The following MNT variants were observed in gnomAD, a reference collection of about 807,000 sequenced individuals.
MNT encodes the protein max-binding protein MNT.
Under a neutral mutation model 40.7 loss-of-function variants are expected in MNT, and 13 were observed. The ratio of observed to expected loss-of-function variants is 0.32; its 90% CI spans 0.21 to 0.51. MNT has a LOEUF of 0.51. Among genes scored for constraint, MNT ranks in the 20% least tolerant of loss-of-function variants. The pLI is 0.98. For missense variants in MNT, 757 were observed against 792.0 expected (o/e 0.96, Z 0.53); for synonymous variants, 426 against 354.8 (o/e 1.20, Z -2.26).
chr17:2,391,419 G>C (rs541037010), intron 4 of MNT: 1 of 152,464 alleles, frequency 6.6e-6, no homozygotes, highest in East Asian at 1.9e-4. Context: ...GTAGGATATA[G>C]TTCTGGGCCA....
At chr17:2,394,260 C>T (rs368504265) in intron 3 of MNT, 45 bp downstream of exon 3, 81 of 1,574,980 alleles carry the variant, frequency 5.1e-5, no homozygotes, top group Non-Finnish European at 6.5e-5. Flanking sequence ...GCCCGGGTCG[C>T]GCGCGCACGC....
In MNT at chr17:2,400,917, G is replaced by T; in HGVS notation, c.-205C>A. 2 of 343,056 alleles carry T rather than the reference G, an allele frequency of 5.8e-6. No individual in the cohort carries two copies. The highest frequency in any genetic ancestry group is 1.0e-5 in the Non-Finnish European group (2 of 192,348). The allele number at this position is 343,056 out of a possible 1,614,324, so 21.3% of individuals were successfully genotyped here. A position where few individuals can be genotyped will look rare whatever the true frequency, so the allele number is the denominator to read the frequency against. ...CAAAATATTTGCAAAATATAAAATT[G>T]CAAATTTAAAAAAATGGGATGCAAA... On this transcript the variant is annotated 5_prime_UTR_variant, in exon 1 of 6. Coordinates refer to ENST00000174618, the MANE Select transcript of MNT (RefSeq NM_020310.3).
chr17:2,392,312 T>G (rs987835316), intron 4 of MNT, among the ~76,000 whole-genome samples: 1 of 152,144 alleles, frequency 6.6e-6, no homozygotes, highest in Non-Finnish European at 1.5e-5. Flanking sequence ...CCAGAATGGG[T>G]GTCCCTTCTG....
Position 2,395,270 on chromosome 17 carries a change from C to T in MNT, c.258G>A (p.Leu86=). 3 of 1,528,286 alleles carry T rather than the reference C, an allele frequency of 2.0e-6. No homozygotes were observed. Among genetic ancestry groups the T allele is most frequent in the Middle Eastern group, 1.7e-4 (1 of 5,802 alleles). The allele number at this position is 1,528,286 out of a possible 1,614,324, so 94.7% of individuals were successfully genotyped here. A position where few individuals can be genotyped will look rare whatever the true frequency, so the allele number is the denominator to read the frequency against. The part of the protein sequence containing the change: ...PPPPLATPAP[L]TVIPIPVVTN... The stretch of plus-strand genomic sequence containing the variant: ...TCACCACAGGGATAGGGATGACAGT[C>T]AGTGGGGCAGGGGTGGCAAGTGGTG... The change falls in exon 2 of 6, where the codon CTG becomes CTA. Residue 86 remains leucine (L), a synonymous_variant. Coordinates refer to ENST00000174618, the MANE Select transcript of MNT (RefSeq NM_020310.3).
rs1369035771 is a variant in MNT, at chr17:2,395,312, G to C, written c.216C>G (p.Pro72=). The change falls in exon 2 of 6, where the codon CCC becomes CCG. Residue 72 remains proline, a synonymous_variant. Transcript: ENST00000174618. ...APPLPLSPPA[P]PPAPPPPLAT... ...CAAGTGGTGGTGGGGGTGCCGGCGG[G>C]GGAGCCGGTGGAGACAGAGGCAGGG... 6.2e-7 allele frequency: 1 copy of C among 1,601,836 alleles called. No individual in the cohort carries two copies. The highest frequency in any genetic ancestry group is 1.3e-5 in the African/African-American group (1 of 74,718).
At chr17:2,398,466 G>A (rs1321604178) in intron 1 of MNT, among the ~76,000 whole-genome samples, 14 of 152,230 alleles carry the variant, frequency 9.2e-5, no homozygotes, top group Admixed American at 9.2e-4. Flanking sequence ...AGGTTCACCT[G>A]CCATGCCCTT....
chr17:2,400,802 G>T lies in MNT; in HGVS notation c.-90C>A. On this transcript the variant is annotated 5_prime_UTR_variant, in exon 1 of 6. Transcript: ENST00000174618. ...AGGCTGGCGGGCAGGCAGGAGGGAG[G>T]GATCACCTCCGGGGGGCGACAGGGC... 1.8e-6 allele frequency: 2 copies of T among 1,128,178 alleles called. No homozygotes were observed. 69.9% of individuals were successfully genotyped at this position (1,128,178 alleles called of 1,614,324 possible).
At chr17:2,394,685 G>A (rs942881768) in intron 2 of MNT, among the ~76,000 whole-genome samples, 190 bp downstream of exon 2, 1 of 152,164 alleles carries the variant, frequency 6.6e-6, no homozygotes, top group African/African-American at 2.4e-5. Context: ...GACTGCGTTA[G>A]GAAACACAGA....
chr17:2,397,715 AG>A (rs1169047549), intron 1 of MNT, among the ~76,000 whole-genome samples: 5 of 152,188 alleles, frequency 3.3e-5, no homozygotes, highest in Admixed American at 1.3e-4. Flanking sequence ...GCCCCTGGCC[AG>A]ATCCAGCCCA....
At chr17:2,393,902 T>G in intron 4 of MNT, 141 bp downstream of exon 4, 1 of 443,412 alleles carries the variant, frequency 2.3e-6, no homozygotes, top group Admixed American at 4.8e-5. Flanking sequence ...AGCCGGGCCA[T>G]GTGCTCAGCG....
intron 1 of MNT, among the ~76,000 whole-genome samples, chr17:2,399,433 T>TG (rs1321597695): frequency 6.6e-6 from 1 of 152,130 alleles, no homozygotes; most frequent in African/African-American, 2.4e-5. Flanking sequence ...TGGAACGTTT[T>TG]GGGGGTCAGT....
At chr17:2,399,600 G>C (rs572925895) in intron 1 of MNT, among the ~76,000 whole-genome samples, 1 of 152,082 alleles carries the variant, frequency 6.6e-6, no homozygotes, top group Non-Finnish European at 1.5e-5. Context: ...CCCAGAGGCC[G>C]GGGCCCGGGC....
At chr17:2,394,446 C>T (rs538649552) in intron 2 of MNT, 100 bp from the exon 3 acceptor site, 2 of 1,551,790 alleles carry the variant, frequency 1.3e-6, no homozygotes, top group African/African-American at 2.7e-5. Flanking sequence ...GCTGTTTGTC[C>T]CCAACACTGT....
chr17:2,399,198 G>C (rs764712295), intron 1 of MNT, among the ~76,000 whole-genome samples: 16 of 152,114 alleles, frequency 1.1e-4, no homozygotes, highest in Non-Finnish European at 1.9e-4. Context: ...AGGAGTCCCC[G>C]GGTCCTGCAC....
chr17:2,400,403 A>T lies in MNT; in HGVS notation c.73+237T>A, dbSNP rs569358635. 1.8e-4 allele frequency: 78 copies of T among 431,720 alleles called. No homozygotes were observed. In the Admixed American group the frequency reaches 2.6e-3, roughly 14 times the overall value. 26.7% of individuals were successfully genotyped at this position (431,720 alleles called of 1,614,324 possible). A position where few individuals can be genotyped will look rare whatever the true frequency, so the allele number is the denominator to read the frequency against. ...CAGAAGGGGCACAGGGGTGCCACGC[A>T]GCCGGGGTGGCGCCCGCAGGAGCCA... On this transcript the variant is annotated intron_variant, in intron 1 of 5. Transcript: ENST00000174618.
At chr17:2,398,894 C>T (rs948819993) in intron 1 of MNT, among the ~76,000 whole-genome samples, 3 of 152,128 alleles carry the variant, frequency 2.0e-5, no homozygotes, top group African/African-American at 7.2e-5. Flanking sequence ...CTGCAAAACC[C>T]AGGCATCTGA....
rs1470606946 is a variant in MNT at position 2,387,604 on chromosome 17, C to T, written c.1046G>A (p.Gly349Asp). 4 of 1,613,978 alleles carry T rather than the reference C, an allele frequency of 2.5e-6. No individual in the cohort carries two copies. The highest frequency in any genetic ancestry group is 3.4e-6 in the Non-Finnish European group (4 of 1,179,998). ...ATGGCTCAGCTTAGGTGGGCCCAGG[C>T]CCGCCCGGTCCTCCTCCATATCCTC... Reference protein sequence around the residue: ...IDEDMEEDRAGLGPPKLSHRP... With the variant: ...IDEDMEEDRADLGPPKLSHRP... The change falls in exon 6 of 6, where the codon GGC becomes GAC. Residue 349 changes from glycine (G) to aspartate (D), a missense_variant. By Grantham distance (94) the Gly-to-Asp change is moderately conservative. Coordinates refer to ENST00000174618, the MANE Select transcript of MNT (RefSeq NM_020310.3).
chr17:2,392,045 G>A (rs543665207), intron 4 of MNT: 1 of 152,386 alleles, frequency 6.6e-6, no homozygotes, highest in African/African-American at 2.4e-5. Flanking sequence ...TATCCTGCAG[G>A]TCTCAGCTCA....
At chr17:2,390,220 A>T (rs539967683) in intron 4 of MNT, 1 of 152,254 alleles carries the variant, frequency 6.6e-6, no homozygotes, top group Admixed American at 6.5e-5. Flanking sequence ...AAGGACCTGG[A>T]AGAGTGCTGT....
Sources: allele counts gnomAD v4.1 joint callset (sites outside exome capture counted in the v4.1 genomes callset), GRCh38; gene constraint gnomAD v4.1.1; transcripts MANE v1.5; gene names NCBI Gene and HGNC (gene_info 2026-07-23, HGNC 2026-07-21).